APC2: variants seen among roughly 807,000 people sequenced by gnomAD.
APC2 encodes adenomatous polyposis coli protein 2.
A neutral mutation model predicts 72.5 loss-of-function variants in APC2; 41 were observed. The observed-to-expected ratio is 0.57, with a 90% CI of 0.44 to 0.73. The LOEUF is 0.73. Among genes scored for constraint, APC2 ranks in the 30% least tolerant of loss-of-function variants. The pLI, the probability that APC2 is intolerant of heterozygous loss-of-function variation, is 0.00. For synonymous variants in APC2, 1,898 were observed against 1,612.0 expected (o/e 1.18, Z -4.25); for missense variants, 3,729 against 3,403.4 (o/e 1.10, Z -2.38).
Position 1,470,125 on chromosome 19 carries a change from A to C in APC2, c.6824A>C (p.Tyr2275Ser), listed in dbSNP as rs2145265695. The stretch of plus-strand genomic sequence containing the variant: ...TCGGCCCGAGTACCCCCCTTCAACT[A>C]TGTGCCCAGCCCCATGGTGGTCGCA... The part of the protein sequence containing the change: ...SRSARVPPFN[Y>S]VPSPMVVAAT... The change falls in exon 15 of 15, where the codon TAT becomes TCT. Residue 2275 changes from tyrosine (Y) to serine (S), a missense_variant. Physicochemically the swap from Tyr to Ser is moderately radical, Grantham distance 144. Transcript: ENST00000590469. 6.2e-7 allele frequency: 1 copy of C among 1,603,452 alleles called. No individual in the cohort carries two copies. Among genetic ancestry groups the C allele is most frequent in the Non-Finnish European group, 8.5e-7 (1 of 1,176,924 alleles).
At position 1,460,871 on chromosome 19, in the gene APC2, T is replaced by A. The variant is rs1348715287; in HGVS notation, c.1521+14T>A. 6.2e-7 allele frequency: 1 copy of A among 1,612,726 alleles called. No individual in the cohort carries two copies. Among genetic ancestry groups the A allele is most frequent in the African/African-American group, 1.3e-5 (1 of 74,852 alleles). ...GAGCTCCACCAGGTACAGGGCGGGG[T>A]GCTGGGAAAGCCTTCCAGGGTGTCC... is the stretch of plus-strand genomic sequence containing the variant. On this transcript the variant is annotated intron_variant, in intron 12 of 14. Coordinates refer to ENST00000590469, the MANE Select transcript of APC2 (RefSeq NM_005883.3).
At position 1,460,234 on chromosome 19, in the gene APC2, A is replaced by G; in HGVS notation, c.1357A>G (p.Met453Val). 1 of 1,613,558 alleles carries G rather than the reference A, an allele frequency of 6.2e-7. No individual in the cohort carries two copies. The highest frequency in any genetic ancestry group is 1.1e-5 in the South Asian group (1 of 91,086). Residue 453 changes from methionine (M) to valine (V), a missense_variant, in exon 11 of 15, where the codon ATG becomes GTG. Physicochemically the swap from Met to Val is conservative, Grantham distance 21 (BLOSUM62 1). Coordinates refer to ENST00000590469, the MANE Select transcript of APC2 (RefSeq NM_005883.3). Reference sequence around the variant, plus strand: ...GCAGGTTGACTATGAGATGCACAAGATGACCCGGGACCCGCTGAACCTGGC... The same window carrying G: ...GCAGGTTGACTATGAGATGCACAAGGTGACCCGGGACCCGCTGAACCTGGC... ...LLQVDYEMHK[M>V]TRDPLNLALR...
At chr19:1,460,080 C>T in intron 10 of APC2, 101 bp from the exon 11 acceptor site, 1 of 1,507,776 alleles carries the variant, frequency 6.6e-7, no homozygotes, top group South Asian at 1.2e-5. Context: ...GAGGGCAGGT[C>T]TGGGGCATAG....
At chr19:1,454,473 G>A (rs1481783322) in intron 4 of APC2, among the ~76,000 whole-genome samples, 1 of 151,922 alleles carries the variant, frequency 6.6e-6, no homozygotes, top group Admixed American at 6.6e-5. Flanking sequence ...CGAACTCCTG[G>A]GTTCAGGTGA....
chr19:1,457,515 T>G, intron 9 of APC2: 2 of 547,514 alleles, frequency 3.7e-6, no homozygotes, highest in South Asian at 4.8e-5. Flanking sequence ...GACTTTGAGA[T>G]TCTTTTTTTG....
At chr19:1,464,695 C>A (rs1034105478) in intron 14 of APC2, among the ~76,000 whole-genome samples, 1 of 141,536 alleles carries the variant, frequency 7.1e-6, no homozygotes, top group Non-Finnish European at 1.5e-5. Flanking sequence ...TGCAGTGGCG[C>A]GATCTCGGCT....
chr19:1,457,694 T>A (rs1424251530), intron 9 of APC2: 7 of 547,854 alleles, frequency 1.3e-5, no homozygotes, highest in Non-Finnish European at 2.0e-5. Context: ...CGAGACCCTG[T>A]CTCGTCAGTT....
rs1163138438 is a variant in APC2, at chr19:1,470,030, C to A, written c.6729C>A (p.Pro2243=). ...PSLAKAPISA[P]FVHEGLGVAV... is the part of the protein sequence containing the mutation. ...TCGCCAAGGCTCCCATCTCCGCACC[C>A]TTCGTGCACGAGGGCCTGGGGGTCG... Residue 2243 remains proline, a synonymous_variant, in exon 15 of 15, where the codon CCC becomes CCA. Coordinates refer to ENST00000590469, the MANE Select transcript of APC2 (RefSeq NM_005883.3). 20 of 1,562,590 alleles carry A rather than the reference C, an allele frequency of 1.3e-5. No individual in the cohort carries two copies. Among genetic ancestry groups the A allele is most frequent in the Non-Finnish European group, 1.7e-5 (20 of 1,159,652 alleles).
chr19:1,461,871 CAAAA>C, intron 13 of APC2, 88 bp from the exon 14 acceptor site: 3 of 1,115,054 alleles, frequency 2.7e-6, no homozygotes, highest in Non-Finnish European at 3.8e-6. Flanking sequence ...AAACAAAAAA[CAAAA>C]AAACCCAACT....
intron 8 of APC2, 107 bp from the exon 9 acceptor site, chr19:1,456,746 G>C: frequency 1.5e-6 from 2 of 1,360,000 alleles, no homozygotes; most frequent in Non-Finnish European, 2.0e-6. Flanking sequence ...CCAGGTGGGC[G>C]TGGGGCTGCC....
At position 1,466,745 on chromosome 19, in the gene APC2, G is replaced by A. The variant is rs760286752; in HGVS notation, c.3444G>A (p.Ser1148=). 1.9e-6 allele frequency: 3 copies of A among 1,545,428 alleles called. No homozygotes were observed. The highest frequency in any genetic ancestry group is 1.4e-5 in the African/African-American group (1 of 73,174). The change falls in exon 15 of 15, where the codon TCG becomes TCA. Residue 1148 remains serine (S), a synonymous_variant. Transcript: ENST00000590469. ...AAGACGCCACGCCGTCCAGCTCGTC[G>A]GAGAACTACGTGCAGGAGACACCGC... The part of the protein sequence containing the change: ...GVEDATPSSS[S]ENYVQETPLV...
chr19:1,459,263 G>A (rs1354995291), intron 10 of APC2, among the ~76,000 whole-genome samples: 1 of 152,072 alleles, frequency 6.6e-6, no homozygotes, highest in Admixed American at 6.5e-5. Context: ...GGAGTGCAGT[G>A]GCGCCATCTC....
intron 13 of APC2, 25 bp from the exon 14 acceptor site, chr19:1,461,938 C>G (rs202150011): frequency 1.9e-6 from 3 of 1,584,124 alleles, no homozygotes; most frequent in Non-Finnish European, 2.6e-6. Context: ...GGCCCTGACC[C>G]GCCCCTCTCC....
In APC2 at chr19:1,467,849, G is replaced by A. The variant is rs1209778387; in HGVS notation, c.4548G>A (p.Glu1516=). Reference sequence around the variant, plus strand: ...GCTTCTACGGCAACGACTCGGACGAGGAGCCCCCGGCGGCCGCGCCCACGC... The same window carrying A: ...GCTTCTACGGCAACGACTCGGACGAAGAGCCCCCGGCGGCCGCGCCCACGC... ...VYCFYGNDSD[E]EPPAAAPTPT... The change falls in exon 15 of 15, where the codon GAG becomes GAA. Residue 1516 remains glutamate (E), a synonymous_variant. Transcript: ENST00000590469. 2 of 1,539,236 alleles carry A rather than the reference G, an allele frequency of 1.3e-6. No homozygotes were observed. Among genetic ancestry groups the A allele is most frequent in the Non-Finnish European group, 1.7e-6 (2 of 1,151,086 alleles).
intron 10 of APC2, among the ~76,000 whole-genome samples, chr19:1,459,368 C>T (rs1013002769): frequency 3.9e-5 from 6 of 152,196 alleles, no homozygotes; most frequent in South Asian, 4.1e-4. Context: ...CCACCACACC[C>T]GGCCAAAGCC....
At chr19:1,458,091 C>G in intron 10 of APC2, 31 bp downstream of exon 10, 2 of 1,538,472 alleles carry the variant, frequency 1.3e-6, no homozygotes, top group Non-Finnish European at 1.8e-6. Flanking sequence ...GGGAAGCCAT[C>G]CTCCAGCCCC....
chr19:1,457,896 G>GGGGGGGGT, intron 9 of APC2, 69 bp from the exon 10 acceptor site: 1 of 1,319,328 alleles, frequency 7.6e-7, no homozygotes. Context: ...GGCGGGTTGC[G>GGGGGGGGT]GGACCTTCGG....
Position 1,456,962 on chromosome 19 carries a change from G to T in APC2, c.926G>T (p.Arg309Leu). Residue 309 changes from arginine (R) to leucine (L), a missense_variant, in exon 9 of 15, where the codon CGC (arginine) becomes CTC (leucine). Arg to Leu is a moderately radical substitution (Grantham distance 102). Transcript: ENST00000590469. ...SSSPESCVAM[R>L]RSGCLPLLLQ... ...TCGCCCGAGAGCTGCGTGGCCATGCGCCGCTCGGGCTGTCTGCCTCTGCTG... is the reference window on the plus strand; with the variant it reads ...TCGCCCGAGAGCTGCGTGGCCATGCTCCGCTCGGGCTGTCTGCCTCTGCTG... 1 of 1,542,164 alleles carries T rather than the reference G, an allele frequency of 6.5e-7. No individual in the cohort carries two copies.
In APC2 at chr19:1,462,053, G is replaced by T; in HGVS notation, c.1729G>T (p.Ala577Ser). ...GGCGGCCATCTGCCAGGTGGATGGC[G>T]CCCTGGGCTTCCTGGTGAGCACCCT... ...NKAAICQVDG[A>S]LGFLVSTLTY... is the part of the protein sequence containing the mutation. The change falls in exon 14 of 15, where the codon GCC becomes TCC. Residue 577 changes from alanine to serine, a missense_variant. By Grantham distance (99) the Ala-to-Ser change is moderately conservative. Transcript: ENST00000590469. 1 of 1,612,960 alleles carries T rather than the reference G, an allele frequency of 6.2e-7. No homozygotes were observed. The highest frequency in any genetic ancestry group is 8.5e-7 in the Non-Finnish European group (1 of 1,179,978).
Sources: gnomAD v4.1 joint callset for allele counts (sites outside exome capture counted in the v4.1 genomes callset) on GRCh38, gnomAD v4.1.1 for gene constraint, MANE v1.5 for transcripts, NCBI Gene and HGNC (gene_info 2026-07-23, HGNC 2026-07-21) for gene names.